Variants in TYW1B observed in about 807,000 individuals in gnomAD.
The protein encoded by TYW1B is S-adenosyl-L-methionine-dependent tRNA 4-demethylwyosine synthase TYW1B.
A neutral mutation model predicts 86.9 loss-of-function variants in TYW1B; 73 were observed. The ratio of observed to expected loss-of-function variants is 0.84; its 90% CI spans 0.70 to 1.02. The LOEUF (loss-of-function observed/expected upper bound fraction) is 1.02. Among genes scored for constraint, TYW1B ranks in the 50% least tolerant of loss-of-function variants. The probability of loss-of-function intolerance (pLI) is 0.00; values close to 1 mark genes in which losing one functional copy is unlikely to be tolerated. For missense variants in TYW1B, 637 were observed against 827.4 expected, an observed-to-expected ratio of 0.77 and a Z score of 2.82; for synonymous variants, 248 against 292.8, an observed-to-expected ratio of 0.85 and a Z score of 1.56.
chr7:72,824,881 T>C lies in TYW1B; in HGVS notation c.135+1974A>G, dbSNP rs141966973. Among the ~76,000 whole-genome samples, 1,122 of 152,056 alleles carry C rather than the reference T, an allele frequency of 7.4e-3. 9 individuals are homozygous for C. The highest frequency in any genetic ancestry group is 0.025 in the African/African-American group (1,051 of 41,498). On this transcript the variant is annotated intron_variant, in intron 2 of 13. Transcript: ENST00000620995. ...CACTTTAGGAGGCCAGGTGGGCAGA[T>C]TGCTTGAGCCCAAGAGTTTAAGACC...
chr7:72,702,130 C>T (rs1554452688), intron 10 of TYW1B, among the ~76,000 whole-genome samples: 1 of 152,170 alleles, frequency 6.6e-6, no homozygotes, highest in Admixed American at 6.5e-5. Context: ...GTTAATGCCA[C>T]TTGAGGCAGC....
intron 11 of TYW1B, among the ~76,000 whole-genome samples, chr7:72,685,203 T>G (rs2129570043): frequency 6.6e-6 from 1 of 151,950 alleles, no homozygotes; most frequent in Non-Finnish European, 1.5e-5. Flanking sequence ...AAAATGGACT[T>G]CAATTACTAG....
chr7:72,777,502 C>G lies in TYW1B; in HGVS notation c.878G>C (p.Gly293Ala). Residue 293 changes from glycine (G) to alanine (A), a missense_variant, in exon 7 of 14, where the codon GGT (glycine) becomes GCT (alanine). Physicochemically the swap from Gly to Ala is moderately conservative, Grantham distance 60 (BLOSUM62 0). Transcript: ENST00000620995. ...ATTCCTCCCCATGTTCCTGAACAAA[C>G]CAGACTTCTCTTCCTGCTGTTCCTT... ...REKEQQEEKSGLFRNMGRNED... is the reference protein window; with the variant it reads ...REKEQQEEKSALFRNMGRNED... 6.2e-7 allele frequency: 1 copy of G among 1,614,064 alleles called. No individual in the cohort carries two copies. Among genetic ancestry groups the G allele is most frequent in the East Asian group, 2.2e-5 (1 of 44,880 alleles).
At chr7:72,640,326 G>A (rs1336695361) in intron 11 of TYW1B, among the ~76,000 whole-genome samples, 6 of 152,082 alleles carry the variant, frequency 3.9e-5, no homozygotes, top group South Asian at 4.2e-4. Context: ...CCAATTACAT[G>A]TTATTAAAAA....
At position 72,713,551 on chromosome 7, in the gene TYW1B, T is replaced by C. The variant is rs561170228; in HGVS notation, c.1370+70A>G. ...AATAAATCCTATTTGATTGCATTAATGCCTATTAGTTTTACTTTGCAGTGA... is the reference window on the plus strand; with the variant it reads ...AATAAATCCTATTTGATTGCATTAACGCCTATTAGTTTTACTTTGCAGTGA... On this transcript the variant is annotated intron_variant, in intron 10 of 13. Transcript: ENST00000620995. 4 of 1,409,952 alleles carry C rather than the reference T, an allele frequency of 2.8e-6. No homozygotes were observed. The South Asian group carries it at 5.8e-5, about 20-fold the overall frequency. 87.3% of individuals were successfully genotyped at this position (1,409,952 alleles called of 1,614,324 possible). A position where few individuals can be genotyped will look rare whatever the true frequency, so the allele number is the denominator to read the frequency against.
intron 11 of TYW1B, among the ~76,000 whole-genome samples, chr7:72,691,538 T>C (rs1468036769): frequency 3.9e-5 from 6 of 152,202 alleles, no homozygotes; most frequent in Non-Finnish European, 7.3e-5. Flanking sequence ...AATTCAGTTT[T>C]TGGAACATTT....
At position 72,713,677 on chromosome 7, in the gene TYW1B, G is replaced by A. The variant is rs1194590717; in HGVS notation, c.1314C>T (p.His438=). The A allele has an allele frequency of 1.1e-5, 18 of 1,613,928 alleles. No individual in the cohort carries two copies. Among genetic ancestry groups the A allele is most frequent in the Non-Finnish European group, 1.4e-5 (17 of 1,180,006 alleles). Residue 438 remains histidine (H), a synonymous_variant, in exon 10 of 14, where the codon CAC becomes CAT. Transcript: ENST00000620995. ...CCAGGAAGCTGGAGATTTTACACTG[G>A]TGGAGTAGCTTCAAAAACCTGTTGA... ...PEINRFLKLL[H]QCKISSFLVT... is the part of the protein sequence containing the mutation.
chr7:72,718,557 G>A (rs1343110488), intron 9 of TYW1B, among the ~76,000 whole-genome samples: 1 of 151,864 alleles, frequency 6.6e-6, no homozygotes, highest in East Asian at 1.9e-4. Flanking sequence ...AGCATGACAG[G>A]TGATGTCTTC....
At chr7:72,732,117 G>A (rs1429864903) in intron 8 of TYW1B, among the ~76,000 whole-genome samples, 1 of 152,022 alleles carries the variant, frequency 6.6e-6, no homozygotes, top group Non-Finnish European at 1.5e-5. Context: ...ACCTAACACT[G>A]GAGCACTGAG....
At chr7:72,644,326 G>C (rs1479792915) in intron 11 of TYW1B, among the ~76,000 whole-genome samples, 1 of 152,118 alleles carries the variant, frequency 6.6e-6, no homozygotes, top group African/African-American at 2.4e-5. Flanking sequence ...GACGTGGGCG[G>C]ATCACAAGGT....
intron 7 of TYW1B, among the ~76,000 whole-genome samples, chr7:72,747,759 T>C (rs1787421145): frequency 6.6e-6 from 1 of 152,238 alleles, no homozygotes; most frequent in Non-Finnish European, 1.5e-5. Flanking sequence ...CAGAATCAAT[T>C]TGGGGAGAAA....
intron 8 of TYW1B, among the ~76,000 whole-genome samples, chr7:72,736,316 G>T (rs1168185632): frequency 6.6e-6 from 1 of 152,214 alleles, no homozygotes; most frequent in African/African-American, 2.4e-5. Context: ...AATAGGCTAC[G>T]ACCTAATGCT....
intron 8 of TYW1B, among the ~76,000 whole-genome samples, chr7:72,743,905 C>G (rs1585948232): frequency 6.6e-6 from 1 of 151,422 alleles, no homozygotes; most frequent in South Asian, 2.1e-4. Context: ...ACCACCACCC[C>G]CAAAAAGAGA....
rs114543280 is a variant in TYW1B at position 72,703,727 on chromosome 7, C to T, written c.1371-8905G>A. Among the ~76,000 whole-genome samples the T allele has an allele frequency of 4.2e-3, 640 of 151,694 alleles. 5 individuals carry two copies. Among genetic ancestry groups the T allele is most frequent in the African/African-American group, 0.015 (604 of 41,418 alleles). On this transcript the variant is annotated intron_variant, in intron 10 of 13. Transcript: ENST00000620995. ...AAAAATTAGCTGGTGTGGTGGCGCG[C>T]GCCGGTAGTCCTAGCTACTGGGGAT...
At chr7:72,601,148 T>TA (rs71517344) in intron 13 of TYW1B, among the ~76,000 whole-genome samples, 34 of 145,082 alleles carry the variant, frequency 2.3e-4, no homozygotes, top group East Asian at 1.4e-3. Context: ...TCTCAAAATA[T>TA]AAAAAAAAAA....
intron 7 of TYW1B, among the ~76,000 whole-genome samples, chr7:72,774,522 A>G (rs1364813197): frequency 7.9e-5 from 12 of 151,968 alleles, no homozygotes; most frequent in Admixed American, 6.6e-4. Flanking sequence ...GGAGATAGAG[A>G]CCATCCTGGC....
intron 7 of TYW1B, among the ~76,000 whole-genome samples, chr7:72,756,419 G>C (rs1787590398): frequency 6.6e-6 from 1 of 151,054 alleles, no homozygotes; most frequent in Non-Finnish European, 1.5e-5. Flanking sequence ...TTTTTTAGTA[G>C]AGACGGGATT....
At chr7:72,598,017 T>C (rs1554432966) in intron 13 of TYW1B, among the ~76,000 whole-genome samples, 2 of 152,224 alleles carry the variant, frequency 1.3e-5, no homozygotes, top group Admixed American at 6.5e-5. Flanking sequence ...TGATGGTTAA[T>C]ATTGAGTGTC....
intron 3 of TYW1B, among the ~76,000 whole-genome samples, chr7:72,814,795 T>G (rs1166560020): frequency 6.6e-6 from 1 of 151,252 alleles, no homozygotes; most frequent in Non-Finnish European, 1.5e-5. Flanking sequence ...TCAGGCACAG[T>G]CGCTCACGCC....
Sources: gnomAD v4.1 joint callset for allele counts (sites outside exome capture counted in the v4.1 genomes callset) on GRCh38, gnomAD v4.1.1 for gene constraint, MANE v1.5 for transcripts, NCBI Gene and HGNC (gene_info 2026-07-23, HGNC 2026-07-21) for gene names.